Variants in APCDD1L observed in about 807,000 individuals in gnomAD.
APCDD1L encodes the protein APC down-regulated 1 like, also known as protein APCDD1-like.
APCDD1L carries 21 observed loss-of-function variants against 24.2 expected under a neutral mutation model. The observed-to-expected ratio is 0.87, with a 90% CI of 0.61 to 1.25. APCDD1L has a LOEUF of 1.25. Ranked by LOEUF, APCDD1L falls within the 50% of genes most tolerant of loss-of-function variation. APCDD1L has a pLI of 0.00. For missense variants in APCDD1L, 704 were observed against 711.7 expected, an observed-to-expected ratio of 0.99 and a Z score of 0.12; for synonymous variants, 321 against 323.6, an observed-to-expected ratio of 0.99 and a Z score of 0.09.
intron 2 of APCDD1L, among the ~76,000 whole-genome samples, chr20:58,470,379 T>C (rs1989786962): frequency 6.6e-6 from 1 of 152,224 alleles, no homozygotes; most frequent in South Asian, 2.1e-4. Flanking sequence ...GTTTGTATAA[T>C]AGGTGTTCAA....
At position 58,508,933 on chromosome 20, in the gene APCDD1L, CGTGA is replaced by C. The variant is rs369922499; in HGVS notation, c.49+5722_49+5725del. ...ACATGCGTGAGTGTGCATGAGTGTG[CGTGA>C]GTGTGTGTGAGTGTGCATGTGTGTC... On this transcript the variant is annotated intron_variant, in intron 1 of 3. Coordinates refer to ENST00000371149, the MANE Select transcript of APCDD1L (RefSeq NM_153360.3). This position sits in a 1 kb window ranked among gnomAD's most constrained non-coding sequence, Gnocchi z 4.0. Among the ~76,000 whole-genome samples the C allele has an allele frequency of 7.7e-3, 1,164 of 151,430 alleles. 11 individuals carry two copies. The highest frequency in any genetic ancestry group is 0.02 in the Middle Eastern group (6 of 294).
chr20:58,463,391 C>T (rs1447694861), intron 3 of APCDD1L, among the ~76,000 whole-genome samples: 3 of 152,202 alleles, frequency 2.0e-5, no homozygotes, highest in South Asian at 4.2e-4. Flanking sequence ...TACAAACTCT[C>T]GTGAGCTGGG....
intron 1 of APCDD1L, among the ~76,000 whole-genome samples, chr20:58,512,681 T>C (rs924073246): frequency 2.0e-5 from 3 of 152,180 alleles, no homozygotes; most frequent in African/African-American, 7.2e-5. Context: ...ACCTAAATTA[T>C]GTCAGTAGCT....
intron 1 of APCDD1L, among the ~76,000 whole-genome samples, chr20:58,479,221 C>CTA (rs1372405286): frequency 6.6e-6 from 1 of 152,178 alleles, no homozygotes; most frequent in Non-Finnish European, 1.5e-5. Flanking sequence ...GCTCCAAGTA[C>CTA]TATATATTTC....
intron 3 of APCDD1L, among the ~76,000 whole-genome samples, chr20:58,463,925 G>A (rs1989663727): frequency 1.5e-5 from 2 of 135,270 alleles, no homozygotes; most frequent in Admixed American, 1.5e-4. Context: ...TTTATAAGCT[G>A]TTATTTTTTA....
chr20:58,468,429 C>T (rs2057240), intron 2 of APCDD1L, among the ~76,000 whole-genome samples: 68,040 of 151,796 alleles, frequency 0.45, 17,317 homozygotes, highest in East Asian at 0.66. Flanking sequence ...CACGGTCAAC[C>T]TGGGGATGGG....
Position 58,514,902 on chromosome 20 carries a change from C to T in APCDD1L, c.-195G>A. ...CGGCTGTTGATAGTTGTAAGCGGAG[C>T]TGCGCACTCATAGGTCCAACTTGCC... On this transcript the variant is annotated 5_prime_UTR_variant, in exon 1 of 4. Coordinates refer to ENST00000371149, the MANE Select transcript of APCDD1L (RefSeq NM_153360.3). The T allele has an allele frequency of 2.7e-6, 1 of 370,460 alleles. No homozygotes were observed. The highest frequency in any genetic ancestry group is 4.5e-6 in the Non-Finnish European group (1 of 222,038). 22.9% of individuals were successfully genotyped at this position (370,460 alleles called of 1,614,324 possible).
intron 1 of APCDD1L, among the ~76,000 whole-genome samples, chr20:58,484,048 T>C (rs1990074220): frequency 6.6e-6 from 1 of 152,162 alleles, no homozygotes; most frequent in Non-Finnish European, 1.5e-5. Flanking sequence ...CTGATTTCCA[T>C]ACACACAACA....
intron 1 of APCDD1L, among the ~76,000 whole-genome samples, chr20:58,500,111 T>A (rs1021940032): frequency 1.3e-5 from 2 of 152,234 alleles, no homozygotes; most frequent in East Asian, 3.8e-4. Context: ...TTCTTTCTCC[T>A]TCTACCCTAG....
chr20:58,483,984 G>A (rs544106380), intron 1 of APCDD1L, among the ~76,000 whole-genome samples: 30 of 152,308 alleles, frequency 2.0e-4, no homozygotes, highest in Middle Eastern at 3.4e-3. Context: ...AGAATGGGGA[G>A]CAAGTTGTTT....
rs768051053 is a variant in APCDD1L at position 58,467,180 on chromosome 20, C to A, written c.667G>T (p.Asp223Tyr). Residue 223 changes from aspartate to tyrosine, a missense_variant, in exon 3 of 4, where the codon GAC becomes TAC. By Grantham distance (160) the Asp-to-Tyr change is radical. Transcript: ENST00000371149. The surrounding 1 kb of genome is among the most constrained non-coding windows in gnomAD (Gnocchi z 5.9). ...CTCTCCGCCGGGTCGGTGTGGATGT[C>A]CCCCAGGTACAGCTCCTCCACCAGC... ...PRLVEELYLGDIHTDPAERRH... is the reference protein window; with the variant it reads ...PRLVEELYLGYIHTDPAERRH... The A allele has an allele frequency of 2.5e-6, 4 of 1,606,788 alleles. No homozygotes were observed. Among genetic ancestry groups the A allele is most frequent in the Middle Eastern group, 3.3e-4 (2 of 6,056 alleles).
chr20:58,498,427 T>C (rs1990365960), intron 1 of APCDD1L, among the ~76,000 whole-genome samples: 1 of 152,248 alleles, frequency 6.6e-6, no homozygotes, highest in Admixed American at 6.5e-5. Flanking sequence ...TTGCATTTCC[T>C]GATTAACAAG....
At chr20:58,471,332 C>T (rs1989808661) in intron 1 of APCDD1L, among the ~76,000 whole-genome samples, 1 of 152,248 alleles carries the variant, frequency 6.6e-6, no homozygotes, top group African/African-American at 2.4e-5. Context: ...CTGCTATCTA[C>T]TCGGTGCTCA....
chr20:58,505,171 A>G (rs1351681309), intron 1 of APCDD1L, among the ~76,000 whole-genome samples: 1 of 152,174 alleles, frequency 6.6e-6, no homozygotes, highest in Non-Finnish European at 1.5e-5. Flanking sequence ...CTCCATGAAA[A>G]CATAATTAGA....
chr20:58,468,776 C>T (rs1182657534), intron 2 of APCDD1L, among the ~76,000 whole-genome samples: 1 of 152,084 alleles, frequency 6.6e-6, no homozygotes, highest in Non-Finnish European at 1.5e-5. Flanking sequence ...TCATGTTGGC[C>T]AGGCTGATTT....
At chr20:58,478,832 C>A (rs1434581800) in intron 1 of APCDD1L, among the ~76,000 whole-genome samples, 1 of 151,912 alleles carries the variant, frequency 6.6e-6, no homozygotes, top group Non-Finnish European at 1.5e-5. Flanking sequence ...AAAGGGTGAT[C>A]AGTCAGGGAG....
chr20:58,496,050 T>C (rs1056854574), intron 1 of APCDD1L, among the ~76,000 whole-genome samples: 4 of 152,254 alleles, frequency 2.6e-5, no homozygotes, highest in Non-Finnish European at 4.4e-5. Flanking sequence ...ATAATTTTTA[T>C]GAGCAGATGA....
chr20:58,496,242 G>A (rs1416040871), intron 1 of APCDD1L, among the ~76,000 whole-genome samples: 1 of 152,218 alleles, frequency 6.6e-6, no homozygotes, highest in Non-Finnish European at 1.5e-5. Context: ...GGGTCAGAGG[G>A]GCTCGCAGTG....
intron 1 of APCDD1L, among the ~76,000 whole-genome samples, chr20:58,473,631 G>T (rs1989853770): frequency 6.6e-6 from 1 of 152,002 alleles, no homozygotes; most frequent in Non-Finnish European, 1.5e-5. Context: ...CTCCAAAAAA[G>T]TCTTAACTAA....
Sources: allele counts gnomAD v4.1 joint callset (sites outside exome capture counted in the v4.1 genomes callset), GRCh38; gene constraint gnomAD v4.1.1; non-coding constraint Gnocchi (gnomAD v3.1); transcripts MANE v1.5; gene names NCBI Gene and HGNC (gene_info 2026-07-23, HGNC 2026-07-21).